Variants in CBL observed in about 807,000 individuals in gnomAD.
CBL encodes the protein Cbl proto-oncogene.
In CBL, 45 loss-of-function variants were observed where a neutral mutation model predicts 96.9. The ratio of observed to expected loss-of-function variants is 0.46; its 90% CI spans 0.37 to 0.60. The LOEUF is 0.60. Among genes scored for constraint, CBL ranks in the 20% least tolerant of loss-of-function variants. The pLI, the probability that CBL is intolerant of heterozygous loss-of-function variation, is 0.00. For synonymous variants in CBL, 420 were observed against 426.8 expected, an observed-to-expected ratio of 0.98 and a Z score of 0.20; for missense variants, 1,024 against 1,143.5, an observed-to-expected ratio of 0.90 and a Z score of 1.51.
intron 1 of CBL, among the ~76,000 whole-genome samples, chr11:119,225,157 C>T (rs909211134): frequency 6.6e-6 from 1 of 151,646 alleles, no homozygotes; most frequent in Non-Finnish European, 1.5e-5. Context: ...AGTGCAGTGG[C>T]GTGATCTCGG....
At position 119,306,939 on chromosome 11, in the gene CBL, C is replaced by CT; in HGVS notation, c.*7159dup. The CT allele has an allele frequency of 4.5e-6, 1 of 223,222 alleles. No homozygotes were observed. Among genetic ancestry groups the CT allele is most frequent in the East Asian group, 6.4e-5 (1 of 15,662 alleles). 13.8% of individuals were successfully genotyped at this position (223,222 alleles called of 1,614,324 possible). A position where few individuals can be genotyped will look rare whatever the true frequency, so the allele number is the denominator to read the frequency against. ...TCAAAACAAAACAATTTTTAGCACACTGAAAAAAAAAAAAAGCCAAATGTT... is the reference window on the plus strand; with the variant it reads ...TCAAAACAAAACAATTTTTAGCACACTTGAAAAAAAAAAAAAGCCAAATGTT... On this transcript the variant is annotated 3_prime_UTR_variant, in exon 16 of 16. Coordinates refer to ENST00000264033, the MANE Select transcript of CBL (RefSeq NM_005188.4).
intron 9 of CBL, among the ~76,000 whole-genome samples, chr11:119,282,810 C>T (rs1027337257): frequency 2.6e-5 from 4 of 152,214 alleles, no homozygotes; most frequent in African/African-American, 7.2e-5. Flanking sequence ...CGGCCACCCG[C>T]GGTGGCTCAC....
Position 119,264,388 on chromosome 11 carries a change from T to TTCTCTTCTCTTCTCTTCTCTTCTC in CBL, c.444-7346_444-7345insCTCTTCTCTTCTCTTCTCTTCTCT, listed in dbSNP as rs1949780055. On this transcript the variant is annotated intron_variant, in intron 2 of 15. Coordinates refer to ENST00000264033, the MANE Select transcript of CBL (RefSeq NM_005188.4). Reference sequence around the variant, plus strand: ...TCTTTTATTATGATCTTTCTTTTCTTTTCTCTTCTCTTCTCTTCTCTTCTC... The same window carrying TTCTCTTCTCTTCTCTTCTCTTCTC: ...TCTTTTATTATGATCTTTCTTTTCTTTCTCTTCTCTTCTCTTCTCTTCTCTTCTCTTCTCTTCTCTTCTCTTCTC... Among the ~76,000 whole-genome samples the TTCTCTTCTCTTCTCTTCTCTTCTC allele has an allele frequency of 2.3e-3, 306 of 133,794 alleles. 2 individuals carry two copies. The highest frequency in any genetic ancestry group is 6.4e-3 in the African/African-American group (210 of 32,916). 87.8% of individuals were successfully genotyped at this position (133,794 alleles called of 152,430 possible).
intron 1 of CBL, among the ~76,000 whole-genome samples, chr11:119,215,884 T>G (rs1473457460): frequency 6.6e-6 from 1 of 152,076 alleles, no homozygotes; most frequent in East Asian, 1.9e-4. Context: ...CACTATGAAA[T>G]ATTTTCATGA....
At chr11:119,217,628 A>G (rs1949372973) in intron 1 of CBL, among the ~76,000 whole-genome samples, 1 of 152,150 alleles carries the variant, frequency 6.6e-6, no homozygotes, top group African/African-American at 2.4e-5. Context: ...CCCAGGTACC[A>G]GACTTGATAT....
chr11:119,235,118 T>C (rs1949533504), intron 2 of CBL, among the ~76,000 whole-genome samples: 1 of 152,158 alleles, frequency 6.6e-6, no homozygotes, highest in Non-Finnish European at 1.5e-5. Flanking sequence ...TTTTCTATTT[T>C]TTTTCTTTTT....
intron 2 of CBL, among the ~76,000 whole-genome samples, chr11:119,247,317 G>A (rs1311987064): frequency 6.6e-6 from 1 of 152,138 alleles, no homozygotes; most frequent in Admixed American, 6.5e-5. Context: ...GGTACTAGAC[G>A]TTCCAGCCAG....
Position 119,230,812 on chromosome 11 carries a change from C to T in CBL, c.196-1636C>T, listed in dbSNP as rs371115730. Among the ~76,000 whole-genome samples the T allele has an allele frequency of 3.3e-5, 5 of 152,032 alleles. No individual in the cohort carries two copies. In the East Asian group the frequency reaches 9.6e-4, roughly 29 times the overall value. ...CCACTAGTTTGTCCACAGAAAAGTC[C>T]ATGTAAATAGAAAGCACAAACAAGT... On this transcript the variant is annotated intron_variant, in intron 1 of 15. Coordinates refer to ENST00000264033, the MANE Select transcript of CBL (RefSeq NM_005188.4).
intron 1 of CBL, among the ~76,000 whole-genome samples, chr11:119,225,184 C>T (rs750313602): frequency 3.3e-5 from 5 of 151,960 alleles, no homozygotes; most frequent in Non-Finnish European, 5.9e-5. Context: ...GCAACCTCCA[C>T]CTCCCGGGTT....
At chr11:119,210,204 A>G (rs1314437579) in intron 1 of CBL, among the ~76,000 whole-genome samples, 1 of 152,134 alleles carries the variant, frequency 6.6e-6, no homozygotes, top group East Asian at 1.9e-4. Flanking sequence ...CCTGGGCAAC[A>G]TGACGAAACC....
chr11:119,235,181 T>C lies in CBL; in HGVS notation c.443+2486T>C, dbSNP rs115693934. Among the ~76,000 whole-genome samples the C allele has an allele frequency of 7.5e-3, 1,142 of 152,210 alleles. 12 individuals are homozygous for C. The highest frequency in any genetic ancestry group is 0.022 in the African/African-American group (918 of 41,530). ...CAGGTTGGAGTGCAAAGGAGTGATA[T>C]TGGCTCACTGCAAACTCTGCCTCCC... On this transcript the variant is annotated intron_variant, in intron 2 of 15. Coordinates refer to ENST00000264033, the MANE Select transcript of CBL (RefSeq NM_005188.4).
intron 9 of CBL, among the ~76,000 whole-genome samples, chr11:119,282,108 C>CCA (rs1949939963): frequency 2.5e-4 from 38 of 151,482 alleles, no homozygotes; most frequent in African/African-American, 8.8e-4. Flanking sequence ...GAGGCCGAAG[C>CCA]GGGCAGATCA....
chr11:119,243,844 T>G (rs1454356702), intron 2 of CBL, among the ~76,000 whole-genome samples: 1 of 152,126 alleles, frequency 6.6e-6, no homozygotes, highest in Non-Finnish European at 1.5e-5. Flanking sequence ...TTCTCTTGCC[T>G]TAGCCTCCTG....
In CBL at chr11:119,206,409, G is replaced by A. The variant is rs1035506704; in HGVS notation, c.-9G>A. 9.7e-6 allele frequency: 15 copies of A among 1,548,662 alleles called. No individual in the cohort carries two copies. Among genetic ancestry groups the A allele is most frequent in the Middle Eastern group, 4.5e-4 (2 of 4,416 alleles). ...GCGGACCCGCCTGGGCTCCGACCCT[G>A]CCCAGGCCATGGCCGGCAACGTGAA... On this transcript the variant is annotated 5_prime_UTR_variant, in exon 1 of 16. Coordinates refer to ENST00000264033, the MANE Select transcript of CBL (RefSeq NM_005188.4).
chr11:119,283,960 T>C (rs138719600), intron 9 of CBL, among the ~76,000 whole-genome samples: 2 of 152,286 alleles, frequency 1.3e-5, no homozygotes, highest in African/African-American at 4.8e-5. Context: ...TGAAATAATT[T>C]ATTTCTTTGG....
intron 2 of CBL, among the ~76,000 whole-genome samples, chr11:119,236,350 T>G (rs922090878): frequency 3.3e-5 from 5 of 152,140 alleles, no homozygotes; most frequent in Admixed American, 6.6e-5. Flanking sequence ...TGGTTTTTTT[T>G]TGTGTGTCTT....
At chr11:119,234,545 C>T (rs910382272) in intron 2 of CBL, among the ~76,000 whole-genome samples, 3 of 152,222 alleles carry the variant, frequency 2.0e-5, no homozygotes, top group Middle Eastern at 3.4e-3. Context: ...TTACCATGTA[C>T]GTGAACTAGG....
Position 119,285,549 on chromosome 11 carries a change from A to G in CBL, c.1924A>G (p.Ser642Gly), listed in dbSNP as rs1157620085. 1 of 1,614,092 alleles carries G rather than the reference A, an allele frequency of 6.2e-7. No homozygotes were observed. The highest frequency in any genetic ancestry group is 1.1e-5 in the South Asian group (1 of 91,082). Reference protein sequence around the residue: ...PDVPRLGSTFSLDTSMSMNSS... With the variant: ...PDVPRLGSTFGLDTSMSMNSS... ...TGTGCCTAGGCTCGGAAGCACGTTC[A>G]GTCTGGATACCTCCATGGTGAGTCT... The change falls in exon 11 of 16, where the codon AGT becomes GGT. Residue 642 changes from serine to glycine, a missense_variant. Coordinates refer to ENST00000264033, the MANE Select transcript of CBL (RefSeq NM_005188.4).
intron 2 of CBL, among the ~76,000 whole-genome samples, chr11:119,269,039 G>A (rs908373153): frequency 6.6e-6 from 1 of 152,090 alleles, no homozygotes; most frequent in African/African-American, 2.4e-5. Context: ...AGGGTCCTGC[G>A]GAACACTGGA....
Sources: gnomAD v4.1 joint callset for allele counts (sites outside exome capture counted in the v4.1 genomes callset) on GRCh38, gnomAD v4.1.1 for gene constraint, MANE v1.5 for transcripts, NCBI Gene and HGNC (gene_info 2026-07-23, HGNC 2026-07-21) for gene names.